REL: variants seen among roughly 807,000 people sequenced by gnomAD.
REL encodes the protein proto-oncogene c-Rel.
In REL, 15 loss-of-function variants were observed where a neutral mutation model predicts 45.9. The observed-to-expected ratio is 0.33, with a 90% CI of 0.22 to 0.50. REL has a LOEUF of 0.50. Among genes scored for constraint, REL ranks in the 20% least tolerant of loss-of-function variants. REL has a pLI of 0.98. For missense variants in REL, 601 were observed against 715.2 expected, an observed-to-expected ratio of 0.84 and a Z score of 1.82; for synonymous variants, 239 against 242.1, an observed-to-expected ratio of 0.99 and a Z score of 0.12.
intron 9 of REL, 38 bp from the exon 10 acceptor site, chr2:60,921,725 T>A: frequency 2.0e-6 from 3 of 1,532,788 alleles, no homozygotes; most frequent in Non-Finnish European, 2.6e-6. Flanking sequence ...ATAATTTTGT[T>A]CATTTTAATT....
At chr2:60,915,021 C>T (rs1394746750) in intron 4 of REL, among the ~76,000 whole-genome samples, 3 of 151,080 alleles carry the variant, frequency 2.0e-5, no homozygotes, top group South Asian at 2.1e-4. Flanking sequence ...TTAGTAGAGG[C>T]GGGGTTTCAC....
Position 60,924,816 on chromosome 2 carries a change from C to T in REL, c.*2281C>T. On this transcript the variant is annotated 3_prime_UTR_variant, in exon 10 of 10. Coordinates refer to ENST00000394479, the MANE Select transcript of REL (RefSeq NM_001291746.2). ...AATGGTGAGCTGAATGCTGGGTAAT[C>T]TCTACTAGCTCCTTAATCAGATTTA... The T allele has an allele frequency of 4.8e-6, 1 of 207,526 alleles. No individual in the cohort carries two copies. The highest frequency in any genetic ancestry group is 2.3e-5 in the African/African-American group (1 of 44,130). The allele number at this position is 207,526 out of a possible 1,614,324, so 12.9% of individuals were successfully genotyped here.
intron 1 of REL, among the ~76,000 whole-genome samples, chr2:60,887,309 A>G (rs1478409547): frequency 6.6e-6 from 1 of 152,184 alleles, no homozygotes; most frequent in Non-Finnish European, 1.5e-5. Flanking sequence ...CCTGGTACCT[A>G]TAAAGCACTA....
rs1175519833 is a variant in REL at position 60,930,930 on chromosome 2, A to G, written c.*8395A>G. ...ATTAGTACAGCATGTTGCTTCTTCA[A>G]CAAATTGAGTTTTCAGGGAAATCAG... On this transcript the variant is annotated 3_prime_UTR_variant, in exon 10 of 10. Coordinates refer to ENST00000394479, the MANE Select transcript of REL (RefSeq NM_001291746.2). 1 of 152,394 alleles carries G rather than the reference A, an allele frequency of 6.6e-6. No individual in the cohort carries two copies. Among genetic ancestry groups the G allele is most frequent in the East Asian group, 1.9e-4 (1 of 5,344 alleles). The allele number at this position is 152,394 out of a possible 1,614,324, so 9.4% of individuals were successfully genotyped here.
At chr2:60,894,687 A>C (rs1037697671) in intron 3 of REL, 142 bp downstream of exon 3, 2 of 558,318 alleles carry the variant, frequency 3.6e-6, no homozygotes, top group Admixed American at 8.0e-5. Flanking sequence ...TTACATTTTT[A>C]CTATTTGCAT....
At position 60,920,570 on chromosome 2, in the gene REL, A is replaced by C; in HGVS notation, c.923-4A>C. 2 of 1,584,250 alleles carry C rather than the reference A, an allele frequency of 1.3e-6. No individual in the cohort carries two copies. The highest frequency in any genetic ancestry group is 1.7e-6 in the Non-Finnish European group (2 of 1,155,604). On this transcript the variant is annotated splice_polypyrimidine_tract_variant and splice_region_variant and intron_variant, in intron 8 of 9. Transcript: ENST00000394479. ...TTAATAATGGAAAAACTTTATCCTAACAGTTAATTTTCCTGAGAGACCAAG... is the reference window on the plus strand; with the variant it reads ...TTAATAATGGAAAAACTTTATCCTACCAGTTAATTTTCCTGAGAGACCAAG...
chr2:60,892,428 A>C (rs944135243), intron 2 of REL, among the ~76,000 whole-genome samples: 2 of 152,096 alleles, frequency 1.3e-5, no homozygotes, highest in African/African-American at 4.8e-5. Context: ...TACTAAATTT[A>C]TTTATTTATT....
Position 60,920,637 on chromosome 2 carries a change from A to G in REL, c.986A>G (p.Lys329Arg). 1.9e-6 allele frequency: 3 copies of G among 1,588,734 alleles called. No individual in the cohort carries two copies. Among genetic ancestry groups the G allele is most frequent in the Non-Finnish European group, 2.6e-6 (3 of 1,158,872 alleles). ...LGSIGEGRYF[K>R]KEPNLFSHDA... ...TCAATTGGAGAAGGAAGATACTTCAAAAAAGGTATTTTATTTCCTATAGCA... is the reference window on the plus strand; with the variant it reads ...TCAATTGGAGAAGGAAGATACTTCAGAAAAGGTATTTTATTTCCTATAGCA... The change falls in exon 9 of 10, where the codon AAA becomes AGA. Residue 329 changes from lysine (K) to arginine (R), a missense_variant. Lys to Arg is a conservative substitution (Grantham distance 26, BLOSUM62 2). Coordinates refer to ENST00000394479, the MANE Select transcript of REL (RefSeq NM_001291746.2).
intron 4 of REL, 100 bp from the exon 5 acceptor site, chr2:60,916,777 C>G (rs1038980637): frequency 1.1e-5 from 7 of 664,448 alleles, no homozygotes; most frequent in Non-Finnish European, 1.8e-5. Flanking sequence ...TATTTGGATG[C>G]TATTCAAGGT....
chr2:60,906,214 T>C (rs895727354), intron 4 of REL, among the ~76,000 whole-genome samples: 6 of 152,118 alleles, frequency 3.9e-5, no homozygotes, highest in African/African-American at 1.4e-4. Flanking sequence ...CCACAACACA[T>C]GAGAATTATG....
chr2:60,905,335 C>T (rs997914295), intron 4 of REL, among the ~76,000 whole-genome samples: 4 of 152,030 alleles, frequency 2.6e-5, no homozygotes, highest in African/African-American at 9.7e-5. Flanking sequence ...ACCTTGTGAT[C>T]CGCCCGCCTC....
chr2:60,920,587 G>C lies in REL; in HGVS notation c.936G>C (p.Glu312Asp). 1 of 1,600,246 alleles carries C rather than the reference G, an allele frequency of 6.2e-7. No individual in the cohort carries two copies. Among genetic ancestry groups the C allele is most frequent in the South Asian group, 1.1e-5 (1 of 90,400 alleles). The part of the protein sequence containing the change: ...KLCQDHVNFP[E>D]RPRPGLLGSI... ...TTATCCTAACAGTTAATTTTCCTGA[G>C]AGACCAAGACCTGGTCTCCTCGGTT... Residue 312 changes from glutamate to aspartate, a missense_variant, in exon 9 of 10, where the codon GAG (glutamate) becomes GAC (aspartate). By Grantham distance (45) the Glu-to-Asp change is conservative (BLOSUM62 2). This residue lies in a region of REL where 334 missense variants were observed against 333.1 expected (regional missense o/e 1.00). Coordinates refer to ENST00000394479, the MANE Select transcript of REL (RefSeq NM_001291746.2).
rs747763003 is a variant in REL at position 60,916,974 on chromosome 2, G to A, written c.492G>A (p.Thr164=). ...TCCCTGATGAACATGGTAATTTGACGACTGCTCTTCCTCCTGTTGTCTCGA... is the reference window on the plus strand; with the variant it reads ...TCCCTGATGAACATGGTAATTTGACAACTGCTCTTCCTCCTGTTGTCTCGA... The part of the protein sequence containing the change: ...VFLPDEHGNL[T]TALPPVVSNP... Residue 164 remains threonine, a synonymous_variant, in exon 5 of 10, where the codon ACG becomes ACA. Coordinates refer to ENST00000394479, the MANE Select transcript of REL (RefSeq NM_001291746.2). The A allele has an allele frequency of 1.6e-4, 256 of 1,613,224 alleles. No individual in the cohort carries two copies. In the East Asian group the frequency reaches 2.6e-3, roughly 17 times the overall value.
rs1674380044 is a variant in REL at position 60,931,423 on chromosome 2, C to T, written c.*8888C>T. On this transcript the variant is annotated 3_prime_UTR_variant, in exon 10 of 10. Transcript: ENST00000394479. ...TTAATGACTGAAATGAATTTGGAGG[C>T]ACTGATGAAAGTGATTTTTTTAAAG... The T allele has an allele frequency of 6.6e-6, 1 of 152,222 alleles. No individual in the cohort carries two copies. The highest frequency in any genetic ancestry group is 3.2e-3 in the Middle Eastern group (1 of 316). The allele number at this position is 152,222 out of a possible 1,614,324, so 9.4% of individuals were successfully genotyped here. A position where few individuals can be genotyped will look rare whatever the true frequency, so the allele number is the denominator to read the frequency against.
At chr2:60,882,084 C>A (rs1246070078) in intron 1 of REL, among the ~76,000 whole-genome samples, 2 of 152,196 alleles carry the variant, frequency 1.3e-5, no homozygotes, top group Admixed American at 1.3e-4. Flanking sequence ...CTTAGAAATT[C>A]CCAACGACTT....
chr2:60,904,291 A>C (rs1200597970), intron 4 of REL, among the ~76,000 whole-genome samples: 2 of 151,926 alleles, frequency 1.3e-5, no homozygotes, highest in Non-Finnish European at 2.9e-5. Flanking sequence ...AGTCCCAGCT[A>C]CTTGGGAGGC....
chr2:60,882,230 C>G (rs1558780949), intron 1 of REL, among the ~76,000 whole-genome samples: 1 of 152,208 alleles, frequency 6.6e-6, no homozygotes, highest in South Asian at 2.1e-4. Context: ...GGCAAGCTCT[C>G]TCCCCCTTTT....
chr2:60,909,247 C>G (rs190789733), intron 4 of REL, among the ~76,000 whole-genome samples: 8 of 152,212 alleles, frequency 5.3e-5, no homozygotes, highest in African/African-American at 1.9e-4. Flanking sequence ...AATAGATACT[C>G]AATAAGTATG....
chr2:60,922,171 T>C lies in REL; in HGVS notation c.1400T>C (p.Met467Thr). ...NMLSNCSVNM[M>T]TTSSDSMGET... ...CTGTCTAATTGTTCTGTGAATATGA[T>C]GACAACCAGCAGTGACAGCATGGGA... is the stretch of plus-strand genomic sequence containing the variant. The change falls in exon 10 of 10, where the codon ATG becomes ACG. Residue 467 changes from methionine (M) to threonine (T), a missense_variant. By Grantham distance (81) the Met-to-Thr change is moderately conservative (BLOSUM62 -1). Transcript: ENST00000394479. 3 of 1,614,198 alleles carry C rather than the reference T, an allele frequency of 1.9e-6. No individual in the cohort carries two copies. Among genetic ancestry groups the C allele is most frequent in the Admixed American group, 3.3e-5 (2 of 60,020 alleles).
Sources: gnomAD v4.1 joint callset for allele counts (sites outside exome capture counted in the v4.1 genomes callset) on GRCh38, gnomAD v4.1.1 for gene constraint, gnomAD v4.1.1 regional missense constraint, MANE v1.5 for transcripts, NCBI Gene and HGNC (gene_info 2026-07-23, HGNC 2026-07-21) for gene names.